STXBP5: variants seen among roughly 807,000 people sequenced by gnomAD.
STXBP5 encodes syntaxin-binding protein 5.
In STXBP5, 50 loss-of-function variants were observed where a neutral mutation model predicts 152.4. That is an observed-to-expected ratio of 0.33 (90% CI 0.26 to 0.42). The LOEUF is 0.42. Ranked by LOEUF, STXBP5 falls within the 10% of genes least tolerant of loss-of-function variation. STXBP5 has a pLI of 1.00. For synonymous variants in STXBP5, 492 were observed against 494.7 expected, an observed-to-expected ratio of 0.99 and a Z score of 0.07; for missense variants, 1,167 against 1,388.6, an observed-to-expected ratio of 0.84 and a Z score of 2.54.
chr6:147,300,187 T>C (rs1041933897), intron 9 of STXBP5, among the ~76,000 whole-genome samples: 1 of 152,056 alleles, frequency 6.6e-6, no homozygotes, highest in African/African-American at 2.4e-5. Context: ...ATCTTTTTCA[T>C]GGATTGGAAG....
chr6:147,262,281 CT>C lies in STXBP5; in HGVS notation c.567-3del, dbSNP rs1562446906. 1 of 1,533,314 alleles carries C rather than the reference CT, an allele frequency of 6.5e-7. No individual in the cohort carries two copies. Among genetic ancestry groups the C allele is most frequent in the South Asian group, 1.3e-5 (1 of 75,806 alleles). 95.0% of individuals were successfully genotyped at this position (1,533,314 alleles called of 1,614,324 possible). A position where few individuals can be genotyped will look rare whatever the true frequency, so the allele number is the denominator to read the frequency against. ...GAAGAGAAAATCTTACTAACTTTTT[CT>C]TTTTTAGGTCATCTAAATCTCACCC... is the stretch of plus-strand genomic sequence containing the variant. On this transcript the variant is annotated splice_polypyrimidine_tract_variant and splice_region_variant and intron_variant, in intron 5 of 27. Coordinates refer to ENST00000321680, the MANE Select transcript of STXBP5 (RefSeq NM_001127715.4).
chr6:147,277,727 A>C (rs927336764), intron 7 of STXBP5, among the ~76,000 whole-genome samples: 1 of 152,096 alleles, frequency 6.6e-6, no homozygotes, highest in East Asian at 1.9e-4. Flanking sequence ...TAGTTTTTCT[A>C]TTGGGACACT....
At chr6:147,352,208 A>G (rs1784617567) in intron 21 of STXBP5, among the ~76,000 whole-genome samples, 1 of 152,220 alleles carries the variant, frequency 6.6e-6, no homozygotes, top group Non-Finnish European at 1.5e-5. Flanking sequence ...GCATGATCTT[A>G]TTTTGTTTTT....
At position 147,388,552 on chromosome 6, in the gene STXBP5, T is replaced by C. The variant is rs1000741054; in HGVS notation, c.*3797T>C. ...TGTATATTATCCATACAAAAAGTTA[T>C]GTTTTACGCTTATAATAAGAAATAC... On this transcript the variant is annotated 3_prime_UTR_variant, in exon 28 of 28. Coordinates refer to ENST00000321680, the MANE Select transcript of STXBP5 (RefSeq NM_001127715.4). The C allele has an allele frequency of 2.0e-5, 3 of 151,648 alleles. No homozygotes were observed. The highest frequency in any genetic ancestry group is 3.9e-4 in the East Asian group (2 of 5,168). 9.4% of individuals were successfully genotyped at this position (151,648 alleles called of 1,614,324 possible).
At chr6:147,225,539 G>A (rs908078514) in intron 2 of STXBP5, among the ~76,000 whole-genome samples, 2 of 152,108 alleles carry the variant, frequency 1.3e-5, no homozygotes, top group Non-Finnish European at 2.9e-5. Context: ...TCTCTGAAAA[G>A]ATATATAATC....
chr6:147,388,662 TTC>T lies in STXBP5; in HGVS notation c.*3909_*3910del, dbSNP rs998821640. Reference sequence around the variant, plus strand: ...CACACATGAACAGGAAAGATATCATTTCTATGCTTTAAAAAACCCTCTATTGA... The same window carrying T: ...CACACATGAACAGGAAAGATATCATTTATGCTTTAAAAAACCCTCTATTGA... On this transcript the variant is annotated 3_prime_UTR_variant, in exon 28 of 28. Transcript: ENST00000321680. 6.6e-6 allele frequency: 1 copy of T among 151,330 alleles called. No homozygotes were observed. Among genetic ancestry groups the T allele is most frequent in the African/African-American group, 2.4e-5 (1 of 41,338 alleles). The allele number at this position is 151,330 out of a possible 1,614,324, so 9.4% of individuals were successfully genotyped here.
At chr6:147,319,517 G>T (rs973184216) in intron 16 of STXBP5, among the ~76,000 whole-genome samples, 26 of 152,168 alleles carry the variant, frequency 1.7e-4, no homozygotes, top group African/African-American at 3.9e-4. Flanking sequence ...TTCTGTTTTG[G>T]TTTTTTGTAG....
intron 2 of STXBP5, among the ~76,000 whole-genome samples, chr6:147,215,773 G>A (rs1209735035): frequency 6.6e-6 from 1 of 152,064 alleles, no homozygotes; most frequent in Non-Finnish European, 1.5e-5. Flanking sequence ...CTTGTGAGAG[G>A]TGTGTTATCT....
chr6:147,351,582 A>G (rs1784591511), intron 21 of STXBP5, among the ~76,000 whole-genome samples: 1 of 152,214 alleles, frequency 6.6e-6, no homozygotes, highest in Non-Finnish European at 1.5e-5. Flanking sequence ...ACAACCATGT[A>G]TGTGACATCA....
At chr6:147,238,087 CTG>C (rs1405130727) in intron 3 of STXBP5, among the ~76,000 whole-genome samples, 1 of 152,156 alleles carries the variant, frequency 6.6e-6, no homozygotes, top group Non-Finnish European at 1.5e-5. Context: ...GGTCTTTGCT[CTG>C]TGTCTTTGGC....
rs1179464460 is a variant in STXBP5 at position 147,204,997 on chromosome 6, T to C, written c.150+315T>C. Among the ~76,000 whole-genome samples the C allele has an allele frequency of 7.2e-5, 11 of 152,208 alleles. 1 individual carries two copies. The East Asian group carries it at 1.9e-3, about 27-fold the overall frequency. On this transcript the variant is annotated intron_variant, in intron 1 of 27. Coordinates refer to ENST00000321680, the MANE Select transcript of STXBP5 (RefSeq NM_001127715.4). The surrounding 1 kb of genome is among the most constrained non-coding windows in gnomAD (Gnocchi z 4.3). ...GCCAGTAATAACCTGGAAGCTTTTA[T>C]ATTCAAGCGTTTTAATATGATTCAC... is the stretch of plus-strand genomic sequence containing the variant.
At chr6:147,274,543 C>T (rs184010830) in intron 7 of STXBP5, among the ~76,000 whole-genome samples, 1 of 152,128 alleles carries the variant, frequency 6.6e-6, no homozygotes, top group Non-Finnish European at 1.5e-5. Context: ...GAAAAGTTCA[C>T]AAGTTTAAAA....
intron 4 of STXBP5, among the ~76,000 whole-genome samples, chr6:147,241,551 A>T (rs904809484): frequency 1.3e-5 from 2 of 152,200 alleles, no homozygotes; most frequent in Non-Finnish European, 2.9e-5. Flanking sequence ...ACACTCAGTG[A>T]CAATTGTATA....
At chr6:147,342,916 GTAGATTTC>G (rs1784156274) in intron 21 of STXBP5, among the ~76,000 whole-genome samples, 1 of 152,014 alleles carries the variant, frequency 6.6e-6, no homozygotes, top group African/African-American at 2.4e-5. Context: ...CATGCTAAAA[GTAGATTTC>G]TAGCTGGAAC....
At chr6:147,356,185 A>G (rs1045428130) in intron 22 of STXBP5, among the ~76,000 whole-genome samples, 2 of 152,124 alleles carry the variant, frequency 1.3e-5, no homozygotes, top group African/African-American at 4.8e-5. Flanking sequence ...CATTTGACCT[A>G]TGAGTTAACA....
chr6:147,368,685 A>G (rs1785407587), intron 25 of STXBP5, among the ~76,000 whole-genome samples: 1 of 152,126 alleles, frequency 6.6e-6, no homozygotes, highest in African/African-American at 2.4e-5. Context: ...CATGATCATC[A>G]GTATAGGAAA....
chr6:147,361,640 A>G lies in STXBP5; in HGVS notation c.2546-1695A>G, dbSNP rs980515157. 2.0e-5 allele frequency among the ~76,000 whole-genome samples: 3 copies of G among 152,170 alleles called. No individual in the cohort carries two copies. In the East Asian group the frequency reaches 5.8e-4, roughly 29 times the overall value. Reference sequence around the variant, plus strand: ...TTCAACAGTTAACCACGAATCTACTAGGAAACATGCTAAAGTCCCATCAAC... The same window carrying G: ...TTCAACAGTTAACCACGAATCTACTGGGAAACATGCTAAAGTCCCATCAAC... On this transcript the variant is annotated intron_variant, in intron 23 of 27. Transcript: ENST00000321680.
chr6:147,325,442 A>G (rs1291749274), intron 17 of STXBP5, among the ~76,000 whole-genome samples: 1 of 152,192 alleles, frequency 6.6e-6, no homozygotes, highest in Non-Finnish European at 1.5e-5. Flanking sequence ...AACTGTTATA[A>G]AACTGATTTT....
chr6:147,238,911 T>C (rs62435616), intron 3 of STXBP5, among the ~76,000 whole-genome samples: 3,756 of 152,288 alleles, frequency 0.025, 71 homozygotes, highest in Non-Finnish European at 0.039. Context: ...ATCCACTAGA[T>C]CCTAGTATAG....
Sources: allele counts gnomAD v4.1 joint callset (sites outside exome capture counted in the v4.1 genomes callset), GRCh38; gene constraint gnomAD v4.1.1; non-coding constraint Gnocchi (gnomAD v3.1); transcripts MANE v1.5; gene names NCBI Gene and HGNC (gene_info 2026-07-23, HGNC 2026-07-21).